The following NCOA2 variants were observed in gnomAD, a reference collection of about 807,000 sequenced individuals.
NCOA2 encodes nuclear receptor coactivator 2.
NCOA2 carries 21 observed loss-of-function variants against 145.1 expected under a neutral mutation model. That is an observed-to-expected ratio of 0.14 (90% confidence interval 0.10 to 0.21). The LOEUF (loss-of-function observed/expected upper bound fraction) is 0.21. Among genes scored for constraint, NCOA2 ranks in the 10% least tolerant of loss-of-function variants. The pLI, the probability that NCOA2 is intolerant of heterozygous loss-of-function variation, is 1.00. For missense variants in NCOA2, 1,472 were observed against 1,837.6 expected, an observed-to-expected ratio of 0.80 and a Z score of 3.64; for synonymous variants, 619 against 637.5, an observed-to-expected ratio of 0.97 and a Z score of 0.44.
chr8:70,387,327 T>C (rs1469717902), intron 1 of NCOA2, among the ~76,000 whole-genome samples: 2 of 152,204 alleles, frequency 1.3e-5, no homozygotes, highest in African/African-American at 2.4e-5. Context: ...CACCCTGCCA[T>C]GTTGGCAATA....
chr8:70,252,438 G>A (rs1364376670), intron 2 of NCOA2, among the ~76,000 whole-genome samples: 2 of 152,108 alleles, frequency 1.3e-5, no homozygotes, highest in African/African-American at 2.4e-5. Flanking sequence ...AAAATAAAAC[G>A]TTAGAGGGAA....
At chr8:70,332,903 C>A (rs1378619320) in intron 1 of NCOA2, among the ~76,000 whole-genome samples, 2 of 152,108 alleles carry the variant, frequency 1.3e-5, no homozygotes, top group African/African-American at 4.8e-5. Context: ...TATTTTTATT[C>A]ATGGAGTACA....
chr8:70,129,058 C>T (rs1055078674), intron 16 of NCOA2, 78 bp from the exon 17 acceptor site: 2 of 1,346,732 alleles, frequency 1.5e-6, no homozygotes, highest in Non-Finnish European at 2.0e-6. Context: ...TGTTTTCTCT[C>T]ACTATCATAT....
At chr8:70,272,258 C>T (rs1232332043) in intron 2 of NCOA2, among the ~76,000 whole-genome samples, 2 of 152,168 alleles carry the variant, frequency 1.3e-5, no homozygotes, top group African/African-American at 4.8e-5. Flanking sequence ...CAGGTATAGA[C>T]ATGGCTAAAA....
intron 2 of NCOA2, among the ~76,000 whole-genome samples, chr8:70,293,931 T>TA (rs1380435941): frequency 6.6e-6 from 1 of 152,166 alleles, no homozygotes; most frequent in Admixed American, 6.5e-5. Flanking sequence ...AATTTGCATT[T>TA]ACACTCATAG....
intron 4 of NCOA2, among the ~76,000 whole-genome samples, chr8:70,199,407 C>A (rs996825057): frequency 8.4e-6 from 1 of 118,996 alleles, no homozygotes; most frequent in East Asian, 2.1e-4. Context: ...GCCAAGATTG[C>A]GCCACTGCAC....
At chr8:70,210,243 G>C (rs1050867135) in intron 4 of NCOA2, among the ~76,000 whole-genome samples, 9 of 152,134 alleles carry the variant, frequency 5.9e-5, no homozygotes, top group Admixed American at 5.2e-4. Flanking sequence ...TATCAAATCT[G>C]AGCACTTTAA....
rs539695450 is a variant in NCOA2, at chr8:70,131,841, C to T, written c.3320G>A (p.Ser1107Asn). 47 of 1,587,778 alleles carry T rather than the reference C, an allele frequency of 3.0e-5. No individual in the cohort carries two copies. The highest frequency in any genetic ancestry group is 3.7e-5 in the Non-Finnish European group (43 of 1,167,556). ...CTGCTGCCCTTCCGCGCATACCTGG[C>T]TGACCAGTTCGGGTATTCCTAAGGC... Reference protein sequence around the residue: ...DRALGIPELVSQSQAVDPEQF... With the variant: ...DRALGIPELVNQSQAVDPEQF... Residue 1107 changes from serine (S) to asparagine (N), a missense_variant, in exon 16 of 23, where the codon AGC becomes AAC. Coordinates refer to ENST00000452400, the MANE Select transcript of NCOA2 (RefSeq NM_006540.4).
chr8:70,237,641 G>A (rs1391237814), intron 2 of NCOA2, among the ~76,000 whole-genome samples: 1 of 151,766 alleles, frequency 6.6e-6, no homozygotes, highest in Non-Finnish European at 1.5e-5. Flanking sequence ...ATGCTGGCAT[G>A]CCCCTGTAGT....
intron 12 of NCOA2, among the ~76,000 whole-genome samples, chr8:70,147,111 C>CGCGCGCGCGCGCGCGCGCGCGCGCGCGT (rs1811159750): frequency 1.0e-5 from 1 of 95,542 alleles, no homozygotes; most frequent in African/African-American, 5.4e-5. Context: ...GCAAATCTTT[C>CGCGCGCGCGCGCGCGCGCGCGCGCGCGT]GCGCGCGCGC....
intron 1 of NCOA2, among the ~76,000 whole-genome samples, chr8:70,389,997 T>C (rs1339774814): frequency 6.6e-6 from 1 of 152,134 alleles, no homozygotes; most frequent in African/African-American, 2.4e-5. Context: ...AAAATAAAAA[T>C]AAAAATCCGA....
At chr8:70,140,791 T>C (rs1211363530) in intron 14 of NCOA2, among the ~76,000 whole-genome samples, 1 of 151,842 alleles carries the variant, frequency 6.6e-6, no homozygotes, top group Non-Finnish European at 1.5e-5. Flanking sequence ...GAGATGGGGT[T>C]TCACCATGTT....
At chr8:70,142,009 C>T (rs1446020812) in intron 13 of NCOA2, among the ~76,000 whole-genome samples, 2 of 152,134 alleles carry the variant, frequency 1.3e-5, no homozygotes, top group African/African-American at 2.4e-5. Flanking sequence ...ACTATACAGA[C>T]CTAGAATGGG....
intron 15 of NCOA2, among the ~76,000 whole-genome samples, chr8:70,137,314 A>T (rs1424673800): frequency 6.6e-6 from 1 of 152,188 alleles, no homozygotes; most frequent in Non-Finnish European, 1.5e-5. Context: ...AAGTGCTAGG[A>T]TTACAGGCGT....
chr8:70,389,338 T>C (rs1812972264), intron 1 of NCOA2, among the ~76,000 whole-genome samples: 1 of 152,044 alleles, frequency 6.6e-6, no homozygotes, highest in South Asian at 2.1e-4. Flanking sequence ...TGGAGTGCAA[T>C]GGCACCATCT....
intron 4 of NCOA2, among the ~76,000 whole-genome samples, chr8:70,177,537 C>T (rs1005806653): frequency 6.6e-6 from 1 of 152,092 alleles, no homozygotes; most frequent in Non-Finnish European, 1.5e-5. Context: ...CCCCTTTTGC[C>T]TCACAGGACC....
chr8:70,252,658 A>G (rs1455090471), intron 2 of NCOA2, among the ~76,000 whole-genome samples: 1 of 152,224 alleles, frequency 6.6e-6, no homozygotes, highest in East Asian at 1.9e-4. Flanking sequence ...CTGGCTCCTC[A>G]ATGCATCAAG....
Position 70,151,460 on chromosome 8 carries a change from G to A in NCOA2, c.2395-2977C>T, listed in dbSNP as rs1029564126. Among the ~76,000 whole-genome samples the A allele has an allele frequency of 4.4e-4, 67 of 152,118 alleles. 2 individuals carry two copies. The highest frequency in any genetic ancestry group is 3.9e-3 in the Admixed American group (59 of 15,252). ...GCACAACCACACCTGGCTCATTTTCGCATTTTTAGTAGAAATGGGGTTTCA... is the reference window on the plus strand; with the variant it reads ...GCACAACCACACCTGGCTCATTTTCACATTTTTAGTAGAAATGGGGTTTCA... On this transcript the variant is annotated intron_variant, in intron 11 of 22. Coordinates refer to ENST00000452400, the MANE Select transcript of NCOA2 (RefSeq NM_006540.4).
chr8:70,204,886 T>C (rs1244917954), intron 4 of NCOA2, among the ~76,000 whole-genome samples: 2 of 152,136 alleles, frequency 1.3e-5, no homozygotes, highest in African/African-American at 2.4e-5. Flanking sequence ...TGCACACCTA[T>C]AATCCCAGCT....
Sources: allele counts gnomAD v4.1 joint callset (sites outside exome capture counted in the v4.1 genomes callset), GRCh38; gene constraint gnomAD v4.1.1; transcripts MANE v1.5; gene names NCBI Gene and HGNC (gene_info 2026-07-23, HGNC 2026-07-21).